DDC: variants seen among roughly 807,000 people sequenced by gnomAD.
The protein encoded by DDC is aromatic-L-amino-acid decarboxylase.
Under a neutral mutation model 60.0 loss-of-function variants are expected in DDC, and 43 were observed. That is an observed-to-expected ratio of 0.72 (90% CI 0.56 to 0.92). DDC has a LOEUF of 0.92. Ranked by LOEUF, DDC falls within the 40% of genes least tolerant of loss-of-function variation. The pLI is 0.00. For missense variants in DDC, 573 were observed against 620.2 expected (o/e 0.92, Z 0.81); for synonymous variants, 232 against 234.6 (o/e 0.99, Z 0.10).
chr7:50,505,622 A>G (rs1350456931), intron 6 of DDC, among the ~76,000 whole-genome samples: 2 of 152,248 alleles, frequency 1.3e-5, no homozygotes, highest in Non-Finnish European at 2.9e-5. Flanking sequence ...CAGGTAGCAC[A>G]GAGTCAGCCT....
intron 1 of DDC, among the ~76,000 whole-genome samples, chr7:50,549,675 A>G (rs995184265): frequency 6.6e-6 from 1 of 151,792 alleles, no homozygotes; most frequent in East Asian, 1.9e-4. Flanking sequence ...AAAAAAAAGA[A>G]CATTTGTGAT....
At chr7:50,488,319 T>C (rs2042929159) in intron 9 of DDC, among the ~76,000 whole-genome samples, 1 of 152,104 alleles carries the variant, frequency 6.6e-6, no homozygotes, top group African/African-American at 2.4e-5. Context: ...AATGTTTTCT[T>C]ATTAAAAAGA....
intron 6 of DDC, among the ~76,000 whole-genome samples, chr7:50,520,670 T>C (rs1424160245): frequency 6.6e-6 from 1 of 152,190 alleles, no homozygotes; most frequent in Admixed American, 6.5e-5. Context: ...TCCCAGCACT[T>C]TGGGAGGCCG....
intron 1 of DDC, among the ~76,000 whole-genome samples, chr7:50,556,747 G>A (rs190514615): frequency 3.0e-4 from 46 of 152,308 alleles, no homozygotes; most frequent in Non-Finnish European, 5.6e-4. Context: ...CCGCCCAGCT[G>A]GCCTCCTTGG....
intron 11 of DDC, among the ~76,000 whole-genome samples, chr7:50,473,579 A>G (rs988630493): frequency 1.3e-5 from 2 of 152,200 alleles, no homozygotes; most frequent in East Asian, 1.9e-4. Flanking sequence ...CAGAAGGCCA[A>G]TCACCCCAGA....
intron 10 of DDC, 99 bp downstream of exon 10, chr7:50,479,688 G>T: frequency 9.7e-7 from 1 of 1,026,810 alleles, no homozygotes; most frequent in Non-Finnish European, 1.5e-6. Context: ...AAGCCTCCTT[G>T]GATATGGATG....
intron 1 of DDC, among the ~76,000 whole-genome samples, chr7:50,550,383 T>A (rs2044952867): frequency 6.6e-6 from 1 of 152,256 alleles, no homozygotes; most frequent in Non-Finnish European, 1.5e-5. Flanking sequence ...ACAGAACTTT[T>A]GTATGCACTG....
chr7:50,476,099 A>G, intron 11 of DDC, among the ~76,000 whole-genome samples: 1 of 152,198 alleles, frequency 6.6e-6, no homozygotes, highest in East Asian at 1.9e-4. Flanking sequence ...GCTTCGCAGT[A>G]CTGCCTTTGG....
At chr7:50,499,294 G>A (rs1344925133) in intron 7 of DDC, 52 bp from the exon 8 acceptor site, 2 of 1,325,216 alleles carry the variant, frequency 1.5e-6, no homozygotes, top group Admixed American at 3.6e-5. Flanking sequence ...TCACCACGGA[G>A]CCTGCCAGCT....
chr7:50,463,217 A>T lies in DDC; in HGVS notation c.*14T>A, dbSNP rs1310298907. On this transcript the variant is annotated 3_prime_UTR_variant, in exon 14 of 15. Transcript: ENST00000444124. Reference sequence around the variant, plus strand: ...AATGAGCCCAGGGCAGCCTACCTGCAGCTGGCTTCACTCCTACTCCCTCTC... The same window carrying T: ...AATGAGCCCAGGGCAGCCTACCTGCTGCTGGCTTCACTCCTACTCCCTCTC... 6.2e-7 allele frequency: 1 copy of T among 1,601,256 alleles called. No individual in the cohort carries two copies. The highest frequency in any genetic ancestry group is 1.7e-5 in the Admixed American group (1 of 58,134).
chr7:50,513,427 G>A (rs2043639536), intron 6 of DDC, among the ~76,000 whole-genome samples: 1 of 152,170 alleles, frequency 6.6e-6, no homozygotes, highest in Admixed American at 6.5e-5. Flanking sequence ...CAGGGAGAAG[G>A]AAATCTCCAG....
In DDC at chr7:50,504,081, G is replaced by A. The variant is rs11575375; in HGVS notation, c.715-22C>T. The A allele has an allele frequency of 0.34, 544,113 of 1,585,054 alleles. 95,584 individuals carry two copies. Among genetic ancestry groups the A allele is most frequent in the African/African-American group, 0.44 (32,638 of 74,298 alleles). The stretch of plus-strand genomic sequence containing the variant: ...CCATCTAGAGGGTAAAAAGCAGACA[G>A]CCTTTTATTCCCCAGGTGCCAGTCA... On this transcript the variant is annotated intron_variant, in intron 6 of 14. Coordinates refer to ENST00000444124, the MANE Select transcript of DDC (RefSeq NM_001082971.2).
At chr7:50,482,352 A>G (rs577504878) in intron 9 of DDC, among the ~76,000 whole-genome samples, 1 of 152,300 alleles carries the variant, frequency 6.6e-6, no homozygotes. Flanking sequence ...CTTGATAAAG[A>G]ATTTTTTGTT....
At chr7:50,513,618 T>C (rs939224518) in intron 6 of DDC, among the ~76,000 whole-genome samples, 2 of 152,092 alleles carry the variant, frequency 1.3e-5, no homozygotes, top group South Asian at 2.1e-4. Flanking sequence ...AGAAACAGAC[T>C]TGGGGCTCTT....
intron 1 of DDC, among the ~76,000 whole-genome samples, chr7:50,556,809 G>A (rs181805601): frequency 2.0e-3 from 312 of 152,298 alleles, no homozygotes; most frequent in Non-Finnish European, 3.9e-3. Context: ...GTGGAGCTAA[G>A]CTTTCAGCAC....
Position 50,543,969 on chromosome 7 carries a change from C to A in DDC, c.117G>T (p.Arg39=). 6.2e-7 allele frequency: 1 copy of A among 1,614,186 alleles called. No homozygotes were observed. Among genetic ancestry groups the A allele is most frequent in the Non-Finnish European group, 8.5e-7 (1 of 1,180,038 alleles). Residue 39 remains arginine (R), a synonymous_variant, in exon 2 of 15, where the codon CGG becomes CGT. Transcript: ENST00000444124. The stretch of plus-strand genomic sequence containing the variant: ...GAGGGGCAGCGGCAGGGATCAGCGG[C>A]CGCAGGTACCCGGGCTCCACGTCAG... ...VYPDVEPGYL[R]PLIPAAAPQE... is the part of the protein sequence containing the mutation.
intron 6 of DDC, among the ~76,000 whole-genome samples, chr7:50,514,168 C>A (rs941709815): frequency 6.6e-6 from 1 of 152,204 alleles, no homozygotes; most frequent in Non-Finnish European, 1.5e-5. Context: ...GTGCAGATAA[C>A]CCCTGGTACC....
intron 3 of DDC, among the ~76,000 whole-genome samples, chr7:50,538,537 C>G (rs190463165): frequency 6.6e-6 from 1 of 152,204 alleles, no homozygotes; most frequent in South Asian, 2.1e-4. Flanking sequence ...CATCCCGATG[C>G]GTCACCAGTA....
intron 7 of DDC, among the ~76,000 whole-genome samples, chr7:50,503,753 AT>A (rs1213460885): frequency 1.3e-5 from 2 of 151,950 alleles, no homozygotes; most frequent in Admixed American, 6.6e-5. Context: ...TATTGCTCGG[AT>A]TTTTTTTCTT....
Sources: gnomAD v4.1 joint callset for allele counts (sites outside exome capture counted in the v4.1 genomes callset) on GRCh38, gnomAD v4.1.1 for gene constraint, MANE v1.5 for transcripts, NCBI Gene and HGNC (gene_info 2026-07-23, HGNC 2026-07-21) for gene names.